The following GSDME variants were observed in gnomAD, a reference collection of about 807,000 sequenced individuals.
The protein encoded by GSDME is gasdermin E, also known as gasdermin-E.
In GSDME, 44 loss-of-function variants were observed where a neutral mutation model predicts 47.5. The ratio of observed to expected loss-of-function variants is 0.93; its 90% CI spans 0.73 to 1.19. The LOEUF (loss-of-function observed/expected upper bound fraction) is 1.19. GSDME is among the 50% of genes most tolerant of loss of function. The pLI is 0.00. For synonymous variants in GSDME, 258 were observed against 252.8 expected (o/e 1.02, Z -0.20); for missense variants, 663 against 604.2 (o/e 1.10, Z -1.02).
chr7:24,785,522 C>T, the GSDME span, among the ~76,000 whole-genome samples: 1 of 152,172 alleles, frequency 6.6e-6, no homozygotes. Context: ...GTGGCGCGAT[C>T]TCAGCTCACT....
In GSDME at chr7:24,703,061, T is replaced by C. The variant is rs976210349; in HGVS notation, c.1184-228A>G. On this transcript the variant is annotated intron_variant, in intron 8 of 9. Coordinates refer to ENST00000645220, the MANE Select transcript of GSDME (RefSeq NM_001127453.2). ...TGCCAGCTCTGCATTCCACAGAGGA[T>C]ACTCCTTGACATTCAATTTACCAAA... The C allele has an allele frequency of 1.3e-5, 6 of 453,626 alleles. No homozygotes were observed. In the Admixed American group the frequency reaches 1.7e-4, roughly 13 times the overall value. The allele number at this position is 453,626 out of a possible 1,614,324, so 28.1% of individuals were successfully genotyped here. A position where few individuals can be genotyped will look rare whatever the true frequency, so the allele number is the denominator to read the frequency against.
chr7:24,701,069 C>T (rs925552940), intron 9 of GSDME, among the ~76,000 whole-genome samples: 1 of 152,178 alleles, frequency 6.6e-6, no homozygotes, highest in African/African-American at 2.4e-5. Flanking sequence ...CCCAAAAGCC[C>T]TTCAGAAAGC....
chr7:24,772,833 T>C, the GSDME span, among the ~76,000 whole-genome samples: 4 of 152,346 alleles, frequency 2.6e-5, no homozygotes, highest in Middle Eastern at 3.4e-3. The surrounding 1 kb of genome is among the most constrained non-coding windows in gnomAD (Gnocchi z 4.5). Context: ...CCCGGTTGCC[T>C]CTTCCTCTGT....
At chr7:24,769,255 G>C in the GSDME span, among the ~76,000 whole-genome samples, 1 of 152,218 alleles carries the variant, frequency 6.6e-6, no homozygotes, top group Non-Finnish European at 1.5e-5. Context: ...ACCCTGAACT[G>C]TAACTGATGA....
In GSDME at chr7:24,726,777, G is replaced by C. The variant is rs1417747142; in HGVS notation, c.405-7559C>G. Reference sequence around the variant, plus strand: ...AGCCGAGATCGCCCACTGCACTCCAGCCCGGGGGACAGAGCGAGACTCCGT... The same window carrying C: ...AGCCGAGATCGCCCACTGCACTCCACCCCGGGGGACAGAGCGAGACTCCGT... On this transcript the variant is annotated intron_variant, in intron 3 of 9. Transcript: ENST00000645220. This position sits in a 1 kb window ranked among gnomAD's most constrained non-coding sequence, Gnocchi z 5.6. Among the ~76,000 whole-genome samples, 1 of 147,586 alleles carries C rather than the reference G, an allele frequency of 6.8e-6. No individual in the cohort carries two copies. The highest frequency in any genetic ancestry group is 1.5e-5 in the Non-Finnish European group (1 of 67,494).
chr7:24,706,808 G>T (rs541169020), intron 7 of GSDME, among the ~76,000 whole-genome samples: 1 of 152,254 alleles, frequency 6.6e-6, no homozygotes, highest in African/African-American at 2.4e-5. Context: ...AGCCTGCTGT[G>T]GAGTGAGGCG....
At chr7:24,702,007 T>C (rs963553218) in intron 9 of GSDME, among the ~76,000 whole-genome samples, 1 of 152,206 alleles carries the variant, frequency 6.6e-6, no homozygotes, top group Non-Finnish European at 1.5e-5. Flanking sequence ...AGATGATCCT[T>C]TGGGCCAACA....
At chr7:24,766,626 C>T in the GSDME span, among the ~76,000 whole-genome samples, 16 of 152,334 alleles carry the variant, frequency 1.1e-4, 1 homozygote, top group Admixed American at 7.2e-4. The surrounding 1 kb of genome is among the most constrained non-coding windows in gnomAD (Gnocchi z 4.2). Flanking sequence ...CCACAAAGGA[C>T]ATGAACTCAC....
the GSDME span, among the ~76,000 whole-genome samples, chr7:24,783,565 T>C: frequency 2.0e-4 from 31 of 152,160 alleles, no homozygotes; most frequent in Non-Finnish European, 1.2e-4. Context: ...CACGCTGAGG[T>C]GTTTGGAGCA....
chr7:24,730,042 A>G (rs1432404940), intron 3 of GSDME, among the ~76,000 whole-genome samples: 2 of 152,208 alleles, frequency 1.3e-5, no homozygotes, highest in African/African-American at 2.4e-5. Flanking sequence ...GAAGGTGAAG[A>G]AGGAGCTATG....
At chr7:24,734,595 T>G (rs1790243649) in intron 3 of GSDME, among the ~76,000 whole-genome samples, 1 of 152,130 alleles carries the variant, frequency 6.6e-6, no homozygotes, top group South Asian at 2.1e-4. Context: ...TAACAGAGAT[T>G]GCAATAATTT....
chr7:24,776,568 T>C, the GSDME span, among the ~76,000 whole-genome samples: 8 of 152,250 alleles, frequency 5.3e-5, no homozygotes, highest in Non-Finnish European at 1.2e-4. Flanking sequence ...ACCAGGTTTT[T>C]GATATGTGAT....
the GSDME span, among the ~76,000 whole-genome samples, chr7:24,777,168 C>T: frequency 2.6e-5 from 4 of 152,226 alleles, no homozygotes; most frequent in South Asian, 4.2e-4. Context: ...CCTTGGCTTC[C>T]TTACACGGGT....
chr7:24,760,453 C>A (rs1791150175), upstream of GSDME, among the ~76,000 whole-genome samples: 1 of 152,192 alleles, frequency 6.6e-6, no homozygotes, highest in African/African-American at 2.4e-5. This position sits in a 1 kb window ranked among gnomAD's most constrained non-coding sequence, Gnocchi z 4.2. Context: ...CACTTACCAG[C>A]TGAGTGACTT....
At position 24,752,164 on chromosome 7, in the gene GSDME, G is replaced by A. The variant is rs185022058; in HGVS notation, c.-19-2371C>T. 2.2e-4 allele frequency among the ~76,000 whole-genome samples: 34 copies of A among 152,306 alleles called. No homozygotes were observed. The East Asian group carries it at 5.6e-3, about 25-fold the overall frequency. On this transcript the variant is annotated intron_variant, in intron 1 of 9. Transcript: ENST00000645220. ...TGGGGAAGACAGTGCCAAGCAAATG[G>A]GTTACCAGTGAGCTTGAGATGGCCC...
upstream of GSDME, among the ~76,000 whole-genome samples, chr7:24,759,960 C>T (rs986617903): frequency 6.6e-6 from 1 of 152,044 alleles, no homozygotes; most frequent in African/African-American, 2.4e-5. Flanking sequence ...AAACTTTTAG[C>T]CCAATTGGAA....
the GSDME span, among the ~76,000 whole-genome samples, chr7:24,775,416 T>C: frequency 6.6e-6 from 1 of 152,242 alleles, no homozygotes; most frequent in Non-Finnish European, 1.5e-5. Context: ...ATATGTTAAC[T>C]AATTTGCCTA....
rs928492626 is a variant in GSDME at position 24,712,949 on chromosome 7, C to T, written c.698-2561G>A. Among the ~76,000 whole-genome samples the T allele has an allele frequency of 9.4e-5, 14 of 149,520 alleles. No individual in the cohort carries two copies. Among genetic ancestry groups the T allele is most frequent in the South Asian group, 6.4e-4 (3 of 4,688 alleles). On this transcript the variant is annotated intron_variant, in intron 5 of 9. Transcript: ENST00000645220. This position sits in a 1 kb window ranked among gnomAD's most constrained non-coding sequence, Gnocchi z 4.4. ...AGGAGAATCGTTTGAACCTGGGAGGCGGAGGTTGTGGTGAGCCAAGATCGC... is the reference window on the plus strand; with the variant it reads ...AGGAGAATCGTTTGAACCTGGGAGGTGGAGGTTGTGGTGAGCCAAGATCGC...
Position 24,756,537 on chromosome 7 carries a change from T to C in GSDME, c.-20+859A>G, listed in dbSNP as rs1791023208. Among the ~76,000 whole-genome samples, 1 of 152,212 alleles carries C rather than the reference T, an allele frequency of 6.6e-6. No homozygotes were observed. The highest frequency in any genetic ancestry group is 2.4e-5 in the African/African-American group (1 of 41,452). On this transcript the variant is annotated intron_variant, in intron 1 of 9. Transcript: ENST00000645220. The surrounding 1 kb of genome is among the most constrained non-coding windows in gnomAD (Gnocchi z 4.2). ...TGCTTCTCCAACCCCACAGCACTCC[T>C]TTCATTCCACTTGGACTTGCCCCAC...
Sources: allele counts gnomAD v4.1 joint callset (sites outside exome capture counted in the v4.1 genomes callset), GRCh38; gene constraint gnomAD v4.1.1; non-coding constraint Gnocchi (gnomAD v3.1); transcripts MANE v1.5; gene names NCBI Gene and HGNC (gene_info 2026-07-23, HGNC 2026-07-21).